The following ZCWPW2 variants were observed in gnomAD, a reference collection of about 807,000 sequenced individuals.
ZCWPW2 encodes the protein zinc finger CW-type PWWP domain protein 2.
ZCWPW2 carries 45 observed loss-of-function variants against 46.6 expected under a neutral mutation model. The ratio of observed to expected loss-of-function variants is 0.96; its 90% confidence interval spans 0.76 to 1.24. The LOEUF (loss-of-function observed/expected upper bound fraction) is 1.24. Among genes scored for constraint, ZCWPW2 ranks in the 50% most tolerant of loss-of-function variants. The pLI, the probability that ZCWPW2 is intolerant of heterozygous loss-of-function variation, is 0.00. For synonymous variants in ZCWPW2, 152 were observed against 137.1 expected (o/e 1.11, Z -0.76); for missense variants, 429 against 403.9 (o/e 1.06, Z -0.53).
At chr3:28,361,243 C>T (rs755154148) in intron 1 of ZCWPW2, among the ~76,000 whole-genome samples, 10 of 152,128 alleles carry the variant, frequency 6.6e-5, no homozygotes, top group Non-Finnish European at 1.2e-4. Flanking sequence ...GTAAAATTAT[C>T]TTCAACAAAG....
intron 6 of ZCWPW2, among the ~76,000 whole-genome samples, chr3:28,508,138 C>G (rs537704940): frequency 6.8e-4 from 103 of 152,146 alleles, no homozygotes; most frequent in Non-Finnish European, 1.3e-3. Context: ...TAACAACCAA[C>G]CGTAGTGAGA....
intron 1 of ZCWPW2, among the ~76,000 whole-genome samples, chr3:28,351,377 C>T (rs1443969092): frequency 2.0e-5 from 3 of 151,146 alleles, no homozygotes; most frequent in African/African-American, 4.9e-5. Flanking sequence ...TGATACTGGC[C>T]GAGACTGGGT....
intron 6 of ZCWPW2, among the ~76,000 whole-genome samples, chr3:28,497,266 A>T (rs1476384955): frequency 1.3e-5 from 2 of 151,156 alleles, no homozygotes; most frequent in Non-Finnish European, 2.9e-5. Context: ...AAATGTGTAT[A>T]TACGTGTAAA....
At chr3:28,481,096 A>C (rs867433574) in intron 5 of ZCWPW2, among the ~76,000 whole-genome samples, 5 of 151,456 alleles carry the variant, frequency 3.3e-5, no homozygotes, top group Admixed American at 6.6e-5. Context: ...TGAACTTCCC[A>C]TTGCTTGTTT....
intron 4 of ZCWPW2, among the ~76,000 whole-genome samples, chr3:28,467,328 G>C (rs945760055): frequency 1.1e-4 from 17 of 151,422 alleles, no homozygotes; most frequent in African/African-American, 4.1e-4. Context: ...TAGAGGAAAG[G>C]GATATTTAAA....
At chr3:28,434,368 A>C (rs1279391425) in intron 3 of ZCWPW2, among the ~76,000 whole-genome samples, 1 of 152,206 alleles carries the variant, frequency 6.6e-6, no homozygotes, top group Non-Finnish European at 1.5e-5. Flanking sequence ...TACAACAAAA[A>C]AAAGTAGAAT....
At chr3:28,412,615 G>A (rs183259109) in intron 2 of ZCWPW2, among the ~76,000 whole-genome samples, 1 of 152,064 alleles carries the variant, frequency 6.6e-6, no homozygotes, top group Admixed American at 6.6e-5. Context: ...AGTTTTGTCT[G>A]TAAAAATGAG....
At chr3:28,431,046 A>G (rs1454371247) in intron 3 of ZCWPW2, among the ~76,000 whole-genome samples, 1 of 152,226 alleles carries the variant, frequency 6.6e-6, no homozygotes, top group Non-Finnish European at 1.5e-5. Flanking sequence ...TAACTTTGAT[A>G]TCAATTGATA....
chr3:28,375,790 G>A (rs184094170), intron 1 of ZCWPW2, among the ~76,000 whole-genome samples: 23 of 146,888 alleles, frequency 1.6e-4, no homozygotes, highest in Admixed American at 4.1e-4. Context: ...ACCATCCCCC[G>A]TCTACTGTTC....
chr3:28,496,745 T>C (rs1188601668), intron 6 of ZCWPW2, among the ~76,000 whole-genome samples: 3 of 151,850 alleles, frequency 2.0e-5, no homozygotes, highest in East Asian at 1.9e-4. Context: ...ATATATTAGG[T>C]AATTACTAAG....
intron 6 of ZCWPW2, among the ~76,000 whole-genome samples, chr3:28,510,086 A>G (rs1700386466): frequency 1.3e-5 from 2 of 152,194 alleles, no homozygotes; most frequent in Non-Finnish European, 2.9e-5. Context: ...CTGAATTGTC[A>G]TGGCACCTTT....
intron 9 of ZCWPW2, among the ~76,000 whole-genome samples, chr3:28,523,708 CATAG>C (rs1274822262): frequency 6.6e-6 from 1 of 152,076 alleles, no homozygotes; most frequent in African/African-American, 2.4e-5. Flanking sequence ...AGCTTATACA[CATAG>C]ATAATCAAAA....
intron 4 of ZCWPW2, among the ~76,000 whole-genome samples, chr3:28,455,534 A>T (rs1397202937): frequency 1.3e-5 from 2 of 149,570 alleles, no homozygotes; most frequent in Non-Finnish European, 3.0e-5. Flanking sequence ...ATGGCTTTTG[A>T]CTTTTGTCAT....
intron 5 of ZCWPW2, among the ~76,000 whole-genome samples, chr3:28,483,366 C>T (rs987233413): frequency 2.6e-5 from 4 of 152,102 alleles, no homozygotes; most frequent in Non-Finnish European, 4.4e-5. Flanking sequence ...TTTGCCAATA[C>T]CACACTGTAT....
chr3:28,409,493 T>C (rs1696310756), intron 2 of ZCWPW2, among the ~76,000 whole-genome samples: 1 of 152,108 alleles, frequency 6.6e-6, no homozygotes, highest in African/African-American at 2.4e-5. Context: ...GGAAAACATA[T>C]GGAAAAATCT....
At chr3:28,435,379 G>C in intron 4 of ZCWPW2, 110 bp downstream of exon 4, 1 of 946,548 alleles carries the variant, frequency 1.1e-6, no homozygotes, top group Non-Finnish European at 1.5e-6. Flanking sequence ...TTGATATAAT[G>C]TATGCTGTTT....
At chr3:28,381,484 T>G (rs1695103292) in intron 1 of ZCWPW2, among the ~76,000 whole-genome samples, 1 of 152,142 alleles carries the variant, frequency 6.6e-6, no homozygotes, top group South Asian at 2.1e-4. Flanking sequence ...TTTTGCTGTT[T>G]CAGGGATGAT....
chr3:28,449,986 A>C (rs1260284694), intron 4 of ZCWPW2, among the ~76,000 whole-genome samples: 3 of 152,218 alleles, frequency 2.0e-5, no homozygotes, highest in African/African-American at 7.2e-5. Context: ...TGCATTAGGA[A>C]GCTTTACAAA....
chr3:28,524,461 T>G, intron 9 of ZCWPW2, 66 bp from the exon 10 acceptor site: 1 of 1,535,812 alleles, frequency 6.5e-7, no homozygotes, highest in Non-Finnish European at 8.8e-7. Flanking sequence ...AATTACTACT[T>G]TATGTTTTGT....
Sources: allele counts gnomAD v4.1 joint callset (sites outside exome capture counted in the v4.1 genomes callset), GRCh38; gene constraint gnomAD v4.1.1; transcripts MANE v1.5; gene names NCBI Gene and HGNC (gene_info 2026-07-23, HGNC 2026-07-21).